The following ARHGAP42 variants were observed in gnomAD, a reference collection of about 807,000 sequenced individuals.
ARHGAP42 encodes Rho GTPase activating protein 42, also known as rho GTPase-activating protein 42.
Under a neutral mutation model 125.0 loss-of-function variants are expected in ARHGAP42, and 63 were observed. The ratio of observed to expected loss-of-function variants is 0.50; its 90% CI spans 0.41 to 0.62. The LOEUF is 0.62. ARHGAP42 is among the 20% of genes least tolerant of loss of function. The pLI, the probability that ARHGAP42 is intolerant of heterozygous loss-of-function variation, is 0.00. For synonymous variants in ARHGAP42, 339 were observed against 351.0 expected, an observed-to-expected ratio of 0.97 and a Z score of 0.38; for missense variants, 766 against 1,024.2, an observed-to-expected ratio of 0.75 and a Z score of 3.44.
intron 1 of ARHGAP42, chr11:100,738,443 GT>G (rs1317293275): frequency 6.6e-6 from 1 of 152,156 alleles, no homozygotes; most frequent in African/African-American, 2.4e-5. Flanking sequence ...TGCCAGCTTT[GT>G]TTTAGATTTA....
chr11:100,737,151 T>C (rs1862084775), intron 1 of ARHGAP42, among the ~76,000 whole-genome samples: 1 of 152,204 alleles, frequency 6.6e-6, no homozygotes, highest in South Asian at 2.1e-4. Flanking sequence ...GGAAAACAGA[T>C]TTAAAAATAA....
At chr11:100,689,910 C>A (rs553453294) in intron 1 of ARHGAP42, among the ~76,000 whole-genome samples, 1 of 152,270 alleles carries the variant, frequency 6.6e-6, no homozygotes, top group South Asian at 2.1e-4. Flanking sequence ...CACCTTTTGT[C>A]CCTTAGGAAG....
At chr11:100,760,552 T>A (rs949395722) in intron 1 of ARHGAP42, among the ~76,000 whole-genome samples, 1 of 151,812 alleles carries the variant, frequency 6.6e-6, no homozygotes, top group South Asian at 2.1e-4. Context: ...TACAAAAAAA[T>A]TAGCCGGGTG....
chr11:100,971,882 C>T (rs1030254467), intron 17 of ARHGAP42, among the ~76,000 whole-genome samples: 2 of 152,014 alleles, frequency 1.3e-5, no homozygotes, highest in Non-Finnish European at 2.9e-5. Context: ...ATGAGCTTAC[C>T]CAACTTCCAA....
intron 3 of ARHGAP42, among the ~76,000 whole-genome samples, chr11:100,795,575 A>G (rs537461965): frequency 4.3e-4 from 66 of 152,332 alleles, no homozygotes; most frequent in Middle Eastern, 6.8e-3. Context: ...GTTAAAAGGT[A>G]ACGCTTGAGT....
chr11:100,750,531 G>C (rs1247951010), intron 1 of ARHGAP42, among the ~76,000 whole-genome samples: 1 of 145,662 alleles, frequency 6.9e-6, no homozygotes, highest in Non-Finnish European at 1.5e-5. Flanking sequence ...AGGGGAAGGG[G>C]TTCTTATTCC....
At chr11:100,954,795 G>T (rs2510624) in intron 12 of ARHGAP42, among the ~76,000 whole-genome samples, 134,225 of 152,148 alleles carry the variant, frequency 0.88, 59,295 homozygotes, top group East Asian at 1. Context: ...AGAGTTAACT[G>T]CCCATCCTTA....
rs1444717824 is a variant in ARHGAP42, at chr11:100,980,574, T to C, written c.2456+1525T>C. ...TTTTCTTCTTCTTTTTTTTTTTTTT[T>C]TTTTTTTTTTTTTTTGAGAAAGAGC... On this transcript the variant is annotated intron_variant, in intron 22 of 23. Coordinates refer to ENST00000298815, the MANE Select transcript of ARHGAP42 (RefSeq NM_152432.4). Among the ~76,000 whole-genome samples, 131 of 117,990 alleles carry C rather than the reference T, an allele frequency of 1.1e-3. 4 individuals are homozygous for C. Among genetic ancestry groups the C allele is most frequent in the African/African-American group, 3.5e-3 (115 of 33,060 alleles). 77.4% of individuals were successfully genotyped at this position (117,990 alleles called of 152,430 possible).
chr11:100,984,690 T>C (rs974120883), intron 22 of ARHGAP42, among the ~76,000 whole-genome samples: 20 of 152,080 alleles, frequency 1.3e-4, no homozygotes, highest in African/African-American at 4.3e-4. Flanking sequence ...ATTTTTCCAA[T>C]GATAAGGGAA....
intron 1 of ARHGAP42, among the ~76,000 whole-genome samples, chr11:100,691,073 C>A (rs946364138): frequency 1.3e-5 from 2 of 152,170 alleles, no homozygotes; most frequent in African/African-American, 4.8e-5. Flanking sequence ...TGAGGAAAAT[C>A]TATACAAATC....
intron 13 of ARHGAP42, 91 bp downstream of exon 13, chr11:100,960,036 T>A: frequency 8.5e-7 from 1 of 1,178,866 alleles, no homozygotes; most frequent in African/African-American, 1.5e-5. Context: ...TGAAGATGTA[T>A]TTGGTCATTA....
intron 6 of ARHGAP42, among the ~76,000 whole-genome samples, chr11:100,926,726 T>G (rs938315778): frequency 6.6e-6 from 1 of 152,258 alleles, no homozygotes; most frequent in African/African-American, 2.4e-5. Flanking sequence ...CACAAAGCTC[T>G]TGTACCTGGT....
chr11:100,797,009 A>T (rs1189834342), intron 3 of ARHGAP42, among the ~76,000 whole-genome samples: 1 of 152,132 alleles, frequency 6.6e-6, no homozygotes, highest in East Asian at 1.9e-4. Flanking sequence ...CCTCGTGATC[A>T]GCCTGCCTTG....
At chr11:100,789,001 A>G (rs1314202336) in intron 2 of ARHGAP42, among the ~76,000 whole-genome samples, 2 of 152,068 alleles carry the variant, frequency 1.3e-5, no homozygotes, top group East Asian at 1.9e-4. Flanking sequence ...TTGGCTATGT[A>G]TGTTTATCCT....
intron 4 of ARHGAP42, among the ~76,000 whole-genome samples, chr11:100,887,737 G>C (rs1456121637): frequency 6.6e-6 from 1 of 152,148 alleles, no homozygotes; most frequent in Non-Finnish European, 1.5e-5. Flanking sequence ...GCTCCTCCTG[G>C]GCTCCTCAGT....
chr11:100,716,062 A>G (rs1328011373), intron 1 of ARHGAP42, among the ~76,000 whole-genome samples: 1 of 152,180 alleles, frequency 6.6e-6, no homozygotes, highest in Non-Finnish European at 1.5e-5. Flanking sequence ...ACAAATTGGT[A>G]TATTTTTAAA....
At chr11:100,917,015 T>TTGTGTGTGTG (rs6144479) in intron 5 of ARHGAP42, among the ~76,000 whole-genome samples, 2,437 of 149,590 alleles carry the variant, frequency 0.016, 29 homozygotes, top group Non-Finnish European at 0.024. Context: ...TAAAATAAGT[T>TTGTGTGTGTG]TGTGTGTGTG....
intron 5 of ARHGAP42, among the ~76,000 whole-genome samples, chr11:100,919,308 A>T (rs999816670): frequency 6.6e-6 from 1 of 152,150 alleles, no homozygotes; most frequent in South Asian, 2.1e-4. Context: ...TATTGTTTGT[A>T]CAAACAGTTT....
rs370430957 is a variant in ARHGAP42 at position 100,991,338 on chromosome 11, A to G, written c.*2537A>G. The stretch of plus-strand genomic sequence containing the variant: ...AGAATGTTAATTCCACAGGAAGGCA[A>G]TGCCAGACATTGAAAGAGGATCACA... On this transcript the variant is annotated 3_prime_UTR_variant, in exon 24 of 24. Transcript: ENST00000298815. 4 of 152,330 alleles carry G rather than the reference A, an allele frequency of 2.6e-5. No individual in the cohort carries two copies. Among genetic ancestry groups the G allele is most frequent in the East Asian group, 3.9e-4 (2 of 5,186 alleles). The allele number at this position is 152,330 out of a possible 1,614,324, so 9.4% of individuals were successfully genotyped here.
Sources: gnomAD v4.1 joint callset for allele counts (sites outside exome capture counted in the v4.1 genomes callset) on GRCh38, gnomAD v4.1.1 for gene constraint, MANE v1.5 for transcripts, NCBI Gene and HGNC (gene_info 2026-07-23, HGNC 2026-07-21) for gene names.